The following CTNNA3 variants were observed in gnomAD, a reference collection of about 807,000 sequenced individuals.
CTNNA3 encodes catenin alpha-3.
In CTNNA3, 76 loss-of-function variants were observed where a neutral mutation model predicts 95.7. The ratio of observed to expected loss-of-function variants is 0.79; its 90% CI spans 0.66 to 0.96. The LOEUF (loss-of-function observed/expected upper bound fraction) is 0.96. Ranked by LOEUF, CTNNA3 falls within the 40% of genes least tolerant of loss-of-function variation. CTNNA3 has a pLI of 0.00. For synonymous variants in CTNNA3, 431 were observed against 374.4 expected, an observed-to-expected ratio of 1.15 and a Z score of -1.74; for missense variants, 1,191 against 1,089.8, an observed-to-expected ratio of 1.09 and a Z score of -1.31.
In CTNNA3 at chr10:65,912,858, T is replaced by C. The variant is rs1483397342; in HGVS notation, c.*7472A>G. ...GGCAAAAATACTTTAAGGATAAATA[T>C]GGACCAGAAAGGCCTACAGTATTTT... On this transcript the variant is annotated 3_prime_UTR_variant, in exon 18 of 18. Coordinates refer to ENST00000433211, the MANE Select transcript of CTNNA3 (RefSeq NM_013266.4). The C allele has an allele frequency of 6.6e-6, 1 of 152,168 alleles. No homozygotes were observed. Among genetic ancestry groups the C allele is most frequent in the Admixed American group, 6.5e-5 (1 of 15,270 alleles). The allele number at this position is 152,168 out of a possible 1,614,324, so 9.4% of individuals were successfully genotyped here.
chr10:66,337,811 A>T (rs1408718947), intron 12 of CTNNA3, among the ~76,000 whole-genome samples: 1 of 152,118 alleles, frequency 6.6e-6, no homozygotes, highest in East Asian at 1.9e-4. Flanking sequence ...GGAATATAAA[A>T]TGGTGCAGCC....
At chr10:67,716,805 A>T (rs1841146223) in intron 1 of CTNNA3, among the ~76,000 whole-genome samples, 1 of 152,244 alleles carries the variant, frequency 6.6e-6, no homozygotes, top group African/African-American at 2.4e-5. Context: ...TGTTTAGAGT[A>T]GAATGACTTA....
intron 7 of CTNNA3, among the ~76,000 whole-genome samples, chr10:67,120,133 T>C (rs1029300746): frequency 8.6e-5 from 13 of 151,996 alleles, no homozygotes; most frequent in African/African-American, 2.9e-4. Context: ...AAATCCACAA[T>C]GACATAATAA....
intron 13 of CTNNA3, among the ~76,000 whole-genome samples, chr10:66,194,852 G>A (rs1032538106): frequency 4.6e-5 from 7 of 152,096 alleles, no homozygotes; most frequent in African/African-American, 1.7e-4. Flanking sequence ...TTGAAAATCA[G>A]GCTCTATCCT....
At chr10:66,000,328 T>C (rs1564569127) in intron 15 of CTNNA3, among the ~76,000 whole-genome samples, 1 of 152,132 alleles carries the variant, frequency 6.6e-6, no homozygotes, top group Non-Finnish European at 1.5e-5. Context: ...TCTCTTTTGA[T>C]TAAAACGAGA....
chr10:67,683,396 G>A (rs751105788), intron 1 of CTNNA3, among the ~76,000 whole-genome samples: 1 of 152,178 alleles, frequency 6.6e-6, no homozygotes, highest in African/African-American at 2.4e-5. Flanking sequence ...AACTATGTCT[G>A]GCACACAAGT....
chr10:66,689,473 C>A (rs10997306), intron 9 of CTNNA3, among the ~76,000 whole-genome samples: 1 of 151,942 alleles, frequency 6.6e-6, no homozygotes, highest in Non-Finnish European at 1.5e-5. Context: ...GTGGCTTAAA[C>A]AAACTTTTGG....
At chr10:66,454,395 A>G (rs898455706) in intron 11 of CTNNA3, among the ~76,000 whole-genome samples, 5 of 152,218 alleles carry the variant, frequency 3.3e-5, no homozygotes, top group Non-Finnish European at 7.3e-5. Context: ...AATATGAATG[A>G]AATAGGGAAT....
chr10:67,605,565 C>T (rs1265631359), intron 3 of CTNNA3, among the ~76,000 whole-genome samples: 1 of 152,052 alleles, frequency 6.6e-6, no homozygotes, highest in East Asian at 1.9e-4. Context: ...ATGAATATGT[C>T]AATTTACTTT....
At chr10:66,922,857 G>C (rs1846861883) in intron 7 of CTNNA3, among the ~76,000 whole-genome samples, 1 of 151,526 alleles carries the variant, frequency 6.6e-6, no homozygotes, top group Non-Finnish European at 1.5e-5. Context: ...CATGTTTATG[G>C]GGTACATGAG....
At chr10:66,641,342 T>C (rs1564587799) in intron 9 of CTNNA3, among the ~76,000 whole-genome samples, 1 of 152,170 alleles carries the variant, frequency 6.6e-6, no homozygotes, top group Admixed American at 6.6e-5. Flanking sequence ...TATTGCATTT[T>C]CTAAAAATGG....
intron 11 of CTNNA3, among the ~76,000 whole-genome samples, chr10:66,503,639 T>C (rs1840352396): frequency 3.3e-5 from 5 of 152,076 alleles, no homozygotes; most frequent in Non-Finnish European, 7.4e-5. Flanking sequence ...TGGCTAATTT[T>C]TGTGTTTTTA....
chr10:66,605,781 C>G (rs573614412), intron 10 of CTNNA3, among the ~76,000 whole-genome samples: 28 of 152,226 alleles, frequency 1.8e-4, no homozygotes, highest in Middle Eastern at 6.8e-3. Context: ...TGCCACCAGA[C>G]CTGCCTTACA....
rs141475078 is a variant in CTNNA3, at chr10:67,251,839, C to T, written c.580-31969G>A. Among the ~76,000 whole-genome samples the T allele has an allele frequency of 8.6e-4, 131 of 152,232 alleles. 1 individual carries two copies. The highest frequency in any genetic ancestry group is 2.8e-3 in the African/African-American group (117 of 41,544). On this transcript the variant is annotated intron_variant, in intron 5 of 17. Coordinates refer to ENST00000433211, the MANE Select transcript of CTNNA3 (RefSeq NM_013266.4). Reference sequence around the variant, plus strand: ...GAGGGAGGGGCAGTATTAACGTAAACACAGAGAGACATGGTATCCAGCATC... The same window carrying T: ...GAGGGAGGGGCAGTATTAACGTAAATACAGAGAGACATGGTATCCAGCATC...
At chr10:67,201,462 T>TA (rs1471613024) in intron 6 of CTNNA3, among the ~76,000 whole-genome samples, 9 of 151,828 alleles carry the variant, frequency 5.9e-5, no homozygotes. Context: ...CTTTTTTTTT[T>TA]ATTATTTTTT....
intron 5 of CTNNA3, among the ~76,000 whole-genome samples, chr10:67,235,340 A>C (rs368437887): frequency 0.029 from 4,419 of 152,194 alleles, 76 homozygotes; most frequent in South Asian, 0.091. Context: ...AACAGAACAG[A>C]ACCCTCAGAA....
At chr10:66,625,544 A>G (rs554469302) in intron 9 of CTNNA3, among the ~76,000 whole-genome samples, 46 of 151,978 alleles carry the variant, frequency 3.0e-4, no homozygotes, top group Non-Finnish European at 6.5e-4. Flanking sequence ...GCGCACCACC[A>G]CACCTGGCTA....
intron 15 of CTNNA3, among the ~76,000 whole-genome samples, chr10:66,023,179 T>G (rs1181964974): frequency 6.6e-6 from 1 of 152,168 alleles, no homozygotes; most frequent in Non-Finnish European, 1.5e-5. Context: ...TCACTACCTA[T>G]TTTCCATGTT....
At chr10:67,462,935 C>T (rs532581438) in intron 5 of CTNNA3, among the ~76,000 whole-genome samples, 104 of 148,922 alleles carry the variant, frequency 7.0e-4, no homozygotes, top group African/African-American at 2.5e-3. Context: ...GATGGAGTCT[C>T]GCTCTGTCAC....
Sources: allele counts gnomAD v4.1 joint callset (sites outside exome capture counted in the v4.1 genomes callset), GRCh38; gene constraint gnomAD v4.1.1; transcripts MANE v1.5; gene names NCBI Gene and HGNC (gene_info 2026-07-23, HGNC 2026-07-21).